KDM1A: variants seen among roughly 807,000 people sequenced by gnomAD.
The protein encoded by KDM1A is lysine-specific histone demethylase 1A.
KDM1A carries 49 observed loss-of-function variants against 109.4 expected under a neutral mutation model. The ratio of observed to expected loss-of-function variants is 0.45; its 90% CI spans 0.36 to 0.57. KDM1A has a LOEUF of 0.57. KDM1A is among the 20% of genes least tolerant of loss of function. The probability of loss-of-function intolerance (pLI) is 0.00; values close to 1 mark genes in which losing one functional copy is unlikely to be tolerated. For missense variants in KDM1A, 668 were observed against 1,116.6 expected (o/e 0.60, Z 5.73); for synonymous variants, 380 against 415.4 (o/e 0.91, Z 1.04).
intron 12 of KDM1A, among the ~76,000 whole-genome samples, chr1:23,070,491 C>A (rs1330474723): frequency 1.3e-5 from 2 of 150,668 alleles, no homozygotes; most frequent in Admixed American, 6.6e-5. Flanking sequence ...AAAAAAAATT[C>A]TTTGACCTTT....
At chr1:23,046,096 C>G (rs948645392) in intron 3 of KDM1A, among the ~76,000 whole-genome samples, 3 of 152,112 alleles carry the variant, frequency 2.0e-5, no homozygotes, top group African/African-American at 7.2e-5. Flanking sequence ...AGTATTTTAT[C>G]TCCCTTATTT....
At chr1:23,077,206 T>C (rs770570306) in intron 15 of KDM1A, 22 bp from the exon 16 acceptor site, 23 of 1,604,734 alleles carry the variant, frequency 1.4e-5, no homozygotes, top group South Asian at 1.1e-4. Context: ...GTTGGAAATA[T>C]GTTCTTTTCT....
chr1:23,072,316 T>C (rs1643343810), intron 14 of KDM1A, 119 bp downstream of exon 14: 10 of 724,142 alleles, frequency 1.4e-5, no homozygotes, highest in Non-Finnish European at 2.4e-5. Context: ...GTGGTTTAAA[T>C]TGTTAAATAA....
At chr1:23,025,392 G>A (rs567972024) in intron 1 of KDM1A, among the ~76,000 whole-genome samples, 33 of 148,838 alleles carry the variant, frequency 2.2e-4, no homozygotes, top group African/African-American at 8.2e-4. Context: ...GTGCAATGGT[G>A]TGATCTTGGC....
chr1:23,082,187 C>T lies in KDM1A; in HGVS notation c.2299-33C>T, dbSNP rs138383683. The T allele has an allele frequency of 2.7e-4, 436 of 1,608,566 alleles. No individual in the cohort carries two copies. The East Asian group carries it at 8.9e-3, about 33-fold the overall frequency. ...AAGGATTGATTTGTGCTTGGTGTCT[C>T]GTAATGACTTTTGCTCCTGGTTTTT... On this transcript the variant is annotated intron_variant, in intron 19 of 20. Transcript: ENST00000400181.
chr1:23,078,451 CCTCT>C (rs1388919134), intron 16 of KDM1A, among the ~76,000 whole-genome samples: 2 of 151,880 alleles, frequency 1.3e-5, no homozygotes, highest in Non-Finnish European at 2.9e-5. Context: ...ATTTCAGTAC[CCTCT>C]CTGAGGTCAG....
intron 15 of KDM1A, 67 bp downstream of exon 15, chr1:23,073,470 A>C: frequency 1.2e-6 from 1 of 867,940 alleles, no homozygotes; most frequent in South Asian, 1.4e-5. Flanking sequence ...GAAATAGTTA[A>C]TTTTGTATGT....
intron 9 of KDM1A, among the ~76,000 whole-genome samples, chr1:23,063,139 T>C (rs1356377715): frequency 1.3e-5 from 2 of 151,264 alleles, no homozygotes; most frequent in East Asian, 3.9e-4. Flanking sequence ...TTTTTTTTTT[T>C]CTTTTTTTGG....
chr1:23,059,675 G>A (rs1003320650), intron 9 of KDM1A, among the ~76,000 whole-genome samples: 1 of 152,174 alleles, frequency 6.6e-6, no homozygotes, highest in African/African-American at 2.4e-5. Context: ...CCTATACTTA[G>A]TATGACAATA....
At chr1:23,062,579 G>A (rs563932922) in intron 9 of KDM1A, among the ~76,000 whole-genome samples, 41 of 152,320 alleles carry the variant, frequency 2.7e-4, no homozygotes, top group Non-Finnish European at 4.7e-4. Flanking sequence ...TTTTGCTGCT[G>A]TAGGAAAAGA....
chr1:23,020,941 T>C (rs938739046), intron 1 of KDM1A, among the ~76,000 whole-genome samples: 2 of 152,186 alleles, frequency 1.3e-5, no homozygotes, highest in East Asian at 3.8e-4. Flanking sequence ...ACTTGGGCCT[T>C]TTCTGGAGAT....
At chr1:23,070,462 C>T (rs1485284380) in intron 12 of KDM1A, among the ~76,000 whole-genome samples, 1 of 150,602 alleles carries the variant, frequency 6.6e-6, no homozygotes, top group Admixed American at 6.6e-5. Context: ...CAGAACAAGA[C>T]TGTGTCTCTT....
At chr1:23,071,161 C>T in intron 12 of KDM1A, 64 bp from the exon 13 acceptor site, 1 of 1,404,642 alleles carries the variant, frequency 7.1e-7, no homozygotes, top group Non-Finnish European at 9.7e-7. Context: ...AAAAAGGGTA[C>T]ATGTGATGTA....
At chr1:23,068,479 T>C (rs1221332603) in intron 10 of KDM1A, 60 bp from the exon 11 acceptor site, 1 of 1,409,204 alleles carries the variant, frequency 7.1e-7, no homozygotes, top group Admixed American at 2.6e-5. Context: ...CATTTGTGTT[T>C]TCATGGATGG....
rs559217066 is a variant in KDM1A, at chr1:23,075,311, C to T, written c.1734+1908C>T. Reference sequence around the variant, plus strand: ...GAATTAAGACTGTATAGGCTGGGTACGGTGGCTCACGCCTTTTTAAACCCA... The same window carrying T: ...GAATTAAGACTGTATAGGCTGGGTATGGTGGCTCACGCCTTTTTAAACCCA... On this transcript the variant is annotated intron_variant, in intron 15 of 20. Transcript: ENST00000400181. Among the ~76,000 whole-genome samples, 67 of 152,260 alleles carry T rather than the reference C, an allele frequency of 4.4e-4. 1 individual carries two copies. In the South Asian group the frequency reaches 7.7e-3, roughly 17 times the overall value.
At chr1:23,068,014 G>A (rs1319152207) in intron 10 of KDM1A, among the ~76,000 whole-genome samples, 1 of 152,128 alleles carries the variant, frequency 6.6e-6, no homozygotes, top group Non-Finnish European at 1.5e-5. Context: ...GTGCTAGTGT[G>A]TTCTTATTAG....
intron 1 of KDM1A, among the ~76,000 whole-genome samples, chr1:23,027,394 A>T: frequency 6.8e-6 from 1 of 146,896 alleles, no homozygotes; most frequent in Admixed American, 7.0e-5. Flanking sequence ...TGCAAAAGGT[A>T]GAAGGTTGGT....
chr1:23,048,727 C>T (rs1642573228), intron 3 of KDM1A, among the ~76,000 whole-genome samples: 1 of 152,088 alleles, frequency 6.6e-6, no homozygotes, highest in South Asian at 2.1e-4. Context: ...AATAGCTTAG[C>T]TATAATTTTC....
chr1:23,076,881 C>T (rs1274325348), intron 15 of KDM1A, among the ~76,000 whole-genome samples: 1 of 151,402 alleles, frequency 6.6e-6, no homozygotes, highest in Non-Finnish European at 1.5e-5. Flanking sequence ...AAGAGAATCA[C>T]TTGAACCCAG....
Sources: allele counts gnomAD v4.1 joint callset (sites outside exome capture counted in the v4.1 genomes callset), GRCh38; gene constraint gnomAD v4.1.1; transcripts MANE v1.5; gene names NCBI Gene and HGNC (gene_info 2026-07-23, HGNC 2026-07-21).